THRB: variants seen among roughly 807,000 people sequenced by gnomAD.
THRB encodes nuclear receptor subfamily 1 group A member 2.
Under a neutral mutation model 47.8 loss-of-function variants are expected in THRB, and 12 were observed. The ratio of observed to expected loss-of-function variants is 0.25; its 90% CI spans 0.16 to 0.41. The LOEUF (loss-of-function observed/expected upper bound fraction) is 0.41, where lower values mean the gene tolerates loss of function less well. Among genes scored for constraint, THRB ranks in the 10% least tolerant of loss-of-function variants. The pLI, the probability that THRB is intolerant of heterozygous loss-of-function variation, is 1.00. For missense variants in THRB, 348 were observed against 589.2 expected (o/e 0.59, Z 4.24); for synonymous variants, 218 against 212.2 (o/e 1.03, Z -0.24).
chr3:24,313,375 AT>A, intron 2 of THRB, among the ~76,000 whole-genome samples: 1 of 152,124 alleles, frequency 6.6e-6, no homozygotes, highest in Admixed American at 6.5e-5. Context: ...GCTCCATCAA[AT>A]TTGCTGCTTG....
At chr3:24,204,878 C>A (rs556221005) in intron 4 of THRB, among the ~76,000 whole-genome samples, 4 of 152,022 alleles carry the variant, frequency 2.6e-5, no homozygotes, top group African/African-American at 9.7e-5. Flanking sequence ...GTAGCCGATT[C>A]GATCAACTGG....
At chr3:24,278,441 G>A (rs1181111456) in intron 3 of THRB, among the ~76,000 whole-genome samples, 2 of 152,012 alleles carry the variant, frequency 1.3e-5, no homozygotes, top group Non-Finnish European at 2.9e-5. Flanking sequence ...CAAAAGCAGG[G>A]GTATAGAATA....
At chr3:24,264,795 C>CAA (rs66808823) in intron 3 of THRB, among the ~76,000 whole-genome samples, 2,158 of 148,342 alleles carry the variant, frequency 0.015, 34 homozygotes, top group African/African-American at 0.038. Context: ...AATCTTGTTG[C>CAA]AAAAAAAAAA....
chr3:24,440,293 G>A (rs1457579994), intron 1 of THRB, among the ~76,000 whole-genome samples: 2 of 152,024 alleles, frequency 1.3e-5, no homozygotes, highest in African/African-American at 4.8e-5. Flanking sequence ...CAATCATAAT[G>A]TTGACACATA....
At chr3:24,370,740 C>G (rs767857067) in intron 1 of THRB, among the ~76,000 whole-genome samples, 5 of 152,090 alleles carry the variant, frequency 3.3e-5, no homozygotes, top group Non-Finnish European at 7.4e-5. Context: ...TCAATGCTGG[C>G]TTTACTTCTG....
At chr3:24,315,948 A>G (rs1399861718) in intron 2 of THRB, among the ~76,000 whole-genome samples, 4 of 152,196 alleles carry the variant, frequency 2.6e-5, no homozygotes, top group South Asian at 2.1e-4. Context: ...ATGAATTTCA[A>G]ATATCTCCGT....
intron 3 of THRB, among the ~76,000 whole-genome samples, chr3:24,273,168 C>T (rs180677575): frequency 6.6e-6 from 1 of 152,222 alleles, no homozygotes; most frequent in East Asian, 1.9e-4. Flanking sequence ...CACAACTCCA[C>T]TCTTTCTATC....
chr3:24,492,625 A>T (rs895291010), intron 1 of THRB, among the ~76,000 whole-genome samples: 29 of 152,242 alleles, frequency 1.9e-4, no homozygotes, highest in African/African-American at 6.3e-4. Context: ...CCAGGAGAGG[A>T]AAGGAATCCA....
intron 1 of THRB, among the ~76,000 whole-genome samples, chr3:24,403,453 G>A (rs193074858): frequency 8.6e-5 from 13 of 151,942 alleles, no homozygotes; most frequent in Non-Finnish European, 8.8e-5. Flanking sequence ...AAATTCTGGG[G>A]GACTCCAAGC....
At chr3:24,381,969 A>G (rs187017969) in intron 1 of THRB, among the ~76,000 whole-genome samples, 152 of 152,280 alleles carry the variant, frequency 1.0e-3, no homozygotes, top group Non-Finnish European at 1.3e-3. Context: ...GATTTTTCAA[A>G]GCATATAGGA....
intron 3 of THRB, among the ~76,000 whole-genome samples, chr3:24,254,785 A>G (rs976088791): frequency 2.6e-5 from 4 of 152,214 alleles, no homozygotes; most frequent in Admixed American, 6.5e-5. Context: ...TGTGCCAAAC[A>G]TAACCAGCAC....
rs2031005253 is a variant in THRB, at chr3:24,118,266, C to T, written c.*4618G>A. On this transcript the variant is annotated 3_prime_UTR_variant, in exon 11 of 11. Transcript: ENST00000646209. Reference sequence around the variant, plus strand: ...ATTTAAGCTTATGAGTTTATCTACGCCCACTATATTCATAATTACAGTTTT... The same window carrying T: ...ATTTAAGCTTATGAGTTTATCTACGTCCACTATATTCATAATTACAGTTTT... The T allele has an allele frequency of 1.3e-5, 2 of 152,364 alleles. No homozygotes were observed. The highest frequency in any genetic ancestry group is 2.1e-4 in the South Asian group (1 of 4,822). 9.4% of individuals were successfully genotyped at this position (152,364 alleles called of 1,614,324 possible). A position where few individuals can be genotyped will look rare whatever the true frequency, so the allele number is the denominator to read the frequency against.
At chr3:24,487,095 C>T (rs901077968) in intron 1 of THRB, among the ~76,000 whole-genome samples, 6 of 152,090 alleles carry the variant, frequency 3.9e-5, no homozygotes, top group African/African-American at 1.4e-4. Context: ...TGCATTCTTG[C>T]AAAACACTTC....
upstream of THRB, chr3:24,495,664 G>C (rs1402273436): frequency 1.3e-5 from 2 of 152,310 alleles, no homozygotes; most frequent in African/African-American, 4.8e-5. Flanking sequence ...ACCGGGACCG[G>C]AGGGCGAGTC....
At chr3:24,370,582 A>G (rs891848690) in intron 1 of THRB, among the ~76,000 whole-genome samples, 6 of 152,090 alleles carry the variant, frequency 3.9e-5, no homozygotes, top group Non-Finnish European at 1.5e-5. Flanking sequence ...GGGAGGATCA[A>G]TGCTCCACTA....
At chr3:24,360,442 C>T (rs1040815104) in intron 1 of THRB, among the ~76,000 whole-genome samples, 1 of 152,166 alleles carries the variant, frequency 6.6e-6, no homozygotes, top group African/African-American at 2.4e-5. Context: ...ATTTAATACG[C>T]AGGCGATGCA....
intron 1 of THRB, among the ~76,000 whole-genome samples, chr3:24,384,695 G>A (rs555347604): frequency 2.0e-5 from 3 of 152,174 alleles, no homozygotes; most frequent in South Asian, 4.1e-4. Context: ...TTATACAAGG[G>A]ACCTCTGGAA....
chr3:24,179,832 TA>T (rs889009092), intron 5 of THRB, among the ~76,000 whole-genome samples: 13 of 152,276 alleles, frequency 8.5e-5, no homozygotes, highest in South Asian at 8.3e-4. Context: ...CAAAAAGTCT[TA>T]AAAAAATCAT....
chr3:24,402,003 A>G (rs1414637916), intron 1 of THRB, among the ~76,000 whole-genome samples: 1 of 152,062 alleles, frequency 6.6e-6, no homozygotes, highest in Non-Finnish European at 1.5e-5. Flanking sequence ...TGTCTGCTAC[A>G]GGGCAGGCTG....
Sources: gnomAD v4.1 joint callset for allele counts (sites outside exome capture counted in the v4.1 genomes callset) on GRCh38, gnomAD v4.1.1 for gene constraint, MANE v1.5 for transcripts, NCBI Gene and HGNC (gene_info 2026-07-23, HGNC 2026-07-21) for gene names.